Variants in VEPH1 observed in about 807,000 individuals in gnomAD.
The protein encoded by VEPH1 is ventricular zone-expressed PH domain-containing protein homolog 1.
Under a neutral mutation model 85.2 loss-of-function variants are expected in VEPH1, and 80 were observed. The observed-to-expected ratio is 0.94, with a 90% CI of 0.78 to 1.13. The LOEUF (loss-of-function observed/expected upper bound fraction) is 1.13, where lower values mean the gene tolerates loss of function less well. Ranked by LOEUF, VEPH1 falls within the 50% of genes most tolerant of loss-of-function variation. The pLI, the probability that VEPH1 is intolerant of heterozygous loss-of-function variation, is 0.00. For synonymous variants in VEPH1, 297 were observed against 348.0 expected (o/e 0.85, Z 1.63); for missense variants, 955 against 980.5 (o/e 0.97, Z 0.35).
rs1737898304 is a variant in VEPH1, at chr3:157,480,155, GA to G, written c.139-9627del. Among the ~76,000 whole-genome samples, 5 of 144,656 alleles carry G rather than the reference GA, an allele frequency of 3.5e-5. No individual in the cohort carries two copies. The South Asian group carries it at 1.1e-3, about 31-fold the overall frequency. 94.9% of individuals were successfully genotyped at this position (144,656 alleles called of 152,430 possible). ...CCAGTGTTCTTCATTTTTTTGGATGGATAAAAGTGTCTGAATATATTATATT... is the reference window on the plus strand; with the variant it reads ...CCAGTGTTCTTCATTTTTTTGGATGGTAAAAGTGTCTGAATATATTATATT... On this transcript the variant is annotated intron_variant, in intron 2 of 13. Transcript: ENST00000362010.
intron 9 of VEPH1, among the ~76,000 whole-genome samples, chr3:157,354,351 T>C (rs1366229684): frequency 6.6e-6 from 1 of 152,214 alleles, no homozygotes; most frequent in Non-Finnish European, 1.5e-5. Flanking sequence ...TCTAGTCTTA[T>C]CTGTCTCATC....
intron 7 of VEPH1, among the ~76,000 whole-genome samples, chr3:157,368,644 A>G (rs1472957808): frequency 6.6e-6 from 1 of 152,010 alleles, no homozygotes; most frequent in Non-Finnish European, 1.5e-5. Flanking sequence ...GGTGCCCGCC[A>G]CCATGCCCGG....
chr3:157,287,971 CAT>C (rs1241277391), intron 11 of VEPH1, among the ~76,000 whole-genome samples: 1 of 152,220 alleles, frequency 6.6e-6, no homozygotes, highest in African/African-American at 2.4e-5. Context: ...GAAGACTGCA[CAT>C]GTTTTATGTG....
intron 9 of VEPH1, among the ~76,000 whole-genome samples, chr3:157,318,631 AAAAAG>A (rs1217240647): frequency 1.8e-5 from 2 of 111,048 alleles, no homozygotes; most frequent in South Asian, 3.6e-4. Context: ...AAACAAAAAA[AAAAAG>A]AAAGAAAGAA....
intron 7 of VEPH1, 141 bp from the exon 8 acceptor site, chr3:157,364,653 A>T: frequency 1.3e-6 from 1 of 759,790 alleles, no homozygotes; most frequent in Non-Finnish European, 2.1e-6. Context: ...ACAAGTATTT[A>T]CTGCAGGCAT....
At chr3:157,339,060 A>G (rs1430441398) in intron 9 of VEPH1, among the ~76,000 whole-genome samples, 1 of 152,188 alleles carries the variant, frequency 6.6e-6, no homozygotes, top group African/African-American at 2.4e-5. Context: ...TCTCCACTCT[A>G]GTTCTGGCCC....
In VEPH1 at chr3:157,480,334, A is replaced by G. The variant is rs545322996; in HGVS notation, c.139-9805T>C. ...CTTTTATTTTAGATTCAGAGCGTAC[A>G]TCAGCAGGTTTGTTACAAGAGTATA... is the stretch of plus-strand genomic sequence containing the variant. On this transcript the variant is annotated intron_variant, in intron 2 of 13. Transcript: ENST00000362010. 3.3e-5 allele frequency among the ~76,000 whole-genome samples: 5 copies of G among 152,258 alleles called. No homozygotes were observed. In the South Asian group the frequency reaches 1.0e-3, roughly 32 times the overall value.
intron 2 of VEPH1, among the ~76,000 whole-genome samples, chr3:157,480,018 TTC>T (rs1402339732): frequency 1.4e-5 from 2 of 142,258 alleles, no homozygotes; most frequent in East Asian, 4.2e-4. Flanking sequence ...TTTCTTTCTT[TTC>T]TCTTTCTTTC....
intron 3 of VEPH1, among the ~76,000 whole-genome samples, chr3:157,464,759 A>G (rs890972419): frequency 6.6e-6 from 1 of 152,224 alleles, no homozygotes; most frequent in Non-Finnish European, 1.5e-5. Flanking sequence ...GCTAAGTAGG[A>G]AAGATATCTA....
intron 4 of VEPH1, among the ~76,000 whole-genome samples, chr3:157,450,271 G>A (rs1010395284): frequency 6.6e-6 from 1 of 151,628 alleles, no homozygotes; most frequent in African/African-American, 2.4e-5. Context: ...TCCCGAGGCT[G>A]GTCTTGAACT....
intron 6 of VEPH1, among the ~76,000 whole-genome samples, chr3:157,385,667 C>T (rs540353523): frequency 5.3e-5 from 8 of 152,260 alleles, no homozygotes; most frequent in South Asian, 2.1e-4. Flanking sequence ...AATCTGGCCT[C>T]ATAAAGATTT....
intron 9 of VEPH1, among the ~76,000 whole-genome samples, chr3:157,361,951 TACGTTCC>T: frequency 6.6e-6 from 1 of 152,330 alleles, no homozygotes; most frequent in South Asian, 2.1e-4. Context: ...CCTTTTGCCT[TACGTTCC>T]ACTATGACTC....
chr3:157,437,827 C>G (rs1156830300), intron 4 of VEPH1: 15 of 1,468,434 alleles, frequency 1.0e-5, no homozygotes, highest in Non-Finnish European at 1.3e-5. Flanking sequence ...GGGGCGCGCC[C>G]TGGCCGCGGT....
chr3:157,277,439 T>A (rs73873624), intron 12 of VEPH1, among the ~76,000 whole-genome samples: 207 of 152,310 alleles, frequency 1.4e-3, no homozygotes, highest in African/African-American at 4.5e-3. Context: ...GACCAACTTG[T>A]TTGGGTTGTA....
At chr3:157,272,742 C>T (rs1207962567) in intron 12 of VEPH1, among the ~76,000 whole-genome samples, 1 of 152,132 alleles carries the variant, frequency 6.6e-6, no homozygotes, top group East Asian at 1.9e-4. Flanking sequence ...GGATTACAGG[C>T]ATGAGCCCCT....
intron 11 of VEPH1, among the ~76,000 whole-genome samples, chr3:157,313,030 G>A (rs1046326594): frequency 2.8e-5 from 4 of 142,982 alleles, no homozygotes; most frequent in Admixed American, 1.5e-4. Context: ...TCAGCCTCCC[G>A]AGTAGCTGGG....
intron 9 of VEPH1, among the ~76,000 whole-genome samples, chr3:157,319,260 G>C (rs1394140955): frequency 6.6e-6 from 1 of 152,208 alleles, no homozygotes; most frequent in Non-Finnish European, 1.5e-5. Context: ...TGAACATACA[G>C]TGTTCTTGTA....
rs1254556457 is a variant in VEPH1 at position 157,480,915 on chromosome 3, G to A, written c.139-10386C>T. On this transcript the variant is annotated intron_variant, in intron 2 of 13. Coordinates refer to ENST00000362010, the MANE Select transcript of VEPH1 (RefSeq NM_001167912.2). ...ACTAATTTACATTCCCACCAACTGGGTATAAGCTTTCCCTTTTCTCTGCAT... is the reference window on the plus strand; with the variant it reads ...ACTAATTTACATTCCCACCAACTGGATATAAGCTTTCCCTTTTCTCTGCAT... Among the ~76,000 whole-genome samples the A allele has an allele frequency of 3.3e-5, 5 of 152,208 alleles. No homozygotes were observed. In the East Asian group the frequency reaches 9.6e-4, roughly 29 times the overall value.
chr3:157,456,694 T>C (rs762141964), intron 4 of VEPH1, among the ~76,000 whole-genome samples: 1 of 152,182 alleles, frequency 6.6e-6, no homozygotes. Context: ...GTGTGTAGCC[T>C]TATTTCTGGT....
Sources: gnomAD v4.1 joint callset for allele counts (sites outside exome capture counted in the v4.1 genomes callset) on GRCh38, gnomAD v4.1.1 for gene constraint, MANE v1.5 for transcripts, NCBI Gene and HGNC (gene_info 2026-07-23, HGNC 2026-07-21) for gene names.